The following OR4F15 variants were observed in gnomAD, a reference collection of about 807,000 sequenced individuals.
OR4F15 encodes the protein olfactory receptor 4F15.
A neutral mutation model predicts 11.9 loss-of-function variants in OR4F15; 7 were observed. The observed-to-expected ratio is 0.59, with a 90% confidence interval of 0.33 to 1.10. OR4F15 has a LOEUF of 1.10. Ranked by LOEUF, OR4F15 falls within the 50% of genes least tolerant of loss-of-function variation. The pLI is 0.03. For missense variants in OR4F15, 445 were observed against 377.5 expected (o/e 1.18, Z -1.48); for synonymous variants, 151 against 134.6 (o/e 1.12, Z -0.84).
Position 101,819,034 on chromosome 15 carries a change from A to G in OR4F15, c.848A>G (p.Asn283Ser). The G allele has an allele frequency of 6.2e-7, 1 of 1,613,834 alleles. No individual in the cohort carries two copies. The highest frequency in any genetic ancestry group is 8.5e-7 in the Non-Finnish European group (1 of 1,179,910). ...GATGCATTTATTACTCCTTTTCTGA[A>G]TCCAGTTATCTACACATTCAGGAAC... ...IFDAFITPFLNPVIYTFRNKD... is the reference protein window; with the variant it reads ...IFDAFITPFLSPVIYTFRNKD... Residue 283 changes from asparagine to serine, a missense_variant, in exon 2 of 2, where the codon AAT becomes AGT. Transcript: ENST00000332238.
intron 1 of OR4F15, among the ~76,000 whole-genome samples, chr15:101,813,853 G>A (rs1483028827): frequency 6.6e-6 from 1 of 152,146 alleles, no homozygotes; most frequent in Non-Finnish European, 1.5e-5. Context: ...AGTGTAAATA[G>A]ATGATAACTA....
At position 101,819,304 on chromosome 15, in the gene OR4F15, T is replaced by C. The variant is rs1388723166; in HGVS notation, c.*179T>C. The C allele has an allele frequency of 1.8e-6, 1 of 560,156 alleles. No homozygotes were observed. Among genetic ancestry groups the C allele is most frequent in the Admixed American group, 3.2e-5 (1 of 30,940 alleles). The allele number at this position is 560,156 out of a possible 1,614,324, so 34.7% of individuals were successfully genotyped here. On this transcript the variant is annotated 3_prime_UTR_variant, in exon 2 of 2. Coordinates refer to ENST00000332238, the MANE Select transcript of OR4F15 (RefSeq NM_001001674.2). ...AGTGATGTTATCCTTTGGCACAGTG[T>C]GCATCAAAGTGCTAAATATTAAATC...
In OR4F15 at chr15:101,818,053, A is replaced by G. The variant is rs1372636200; in HGVS notation, c.-37-97A>G. 7.4e-6 allele frequency: 5 copies of G among 671,632 alleles called. No homozygotes were observed. In the African/African-American group the frequency reaches 9.1e-5, roughly 12 times the overall value. 41.6% of individuals were successfully genotyped at this position (671,632 alleles called of 1,614,324 possible). On this transcript the variant is annotated intron_variant, in intron 1 of 1. Coordinates refer to ENST00000332238, the MANE Select transcript of OR4F15 (RefSeq NM_001001674.2). ...GATGAGGGTTATTTGGCTGTGTAAG[A>G]TGTTAATATGATAGTTATTTTCATG... is the stretch of plus-strand genomic sequence containing the variant.
chr15:101,814,938 G>A (rs1902964530), intron 1 of OR4F15, among the ~76,000 whole-genome samples: 1 of 152,024 alleles, frequency 6.6e-6, no homozygotes, highest in African/African-American at 2.4e-5. Context: ...ATTTCAGTTT[G>A]GAGGAAGCAC....
chr15:101,819,167 A>G lies in OR4F15; in HGVS notation c.*42A>G. Reference sequence around the variant, plus strand: ...GATGTGTAACTATGGATTACTCCTCATGCTGATTGCATAAAAGAAACTGCA... The same window carrying G: ...GATGTGTAACTATGGATTACTCCTCGTGCTGATTGCATAAAAGAAACTGCA... On this transcript the variant is annotated 3_prime_UTR_variant, in exon 2 of 2. Coordinates refer to ENST00000332238, the MANE Select transcript of OR4F15 (RefSeq NM_001001674.2). 2 of 1,318,258 alleles carry G rather than the reference A, an allele frequency of 1.5e-6. No homozygotes were observed. The highest frequency in any genetic ancestry group is 4.9e-5 in the East Asian group (2 of 40,604). 81.7% of individuals were successfully genotyped at this position (1,318,258 alleles called of 1,614,324 possible). A position where few individuals can be genotyped will look rare whatever the true frequency, so the allele number is the denominator to read the frequency against.
chr15:101,815,747 G>T (rs550787301), intron 1 of OR4F15, among the ~76,000 whole-genome samples: 2 of 152,212 alleles, frequency 1.3e-5, no homozygotes, highest in South Asian at 2.1e-4. Context: ...GGGCACTGAA[G>T]ATATTTTTTG....
At position 101,818,940 on chromosome 15, in the gene OR4F15, G is replaced by T. The variant is rs1903053082; in HGVS notation, c.754G>T (p.Gly252Trp). 6.2e-7 allele frequency: 1 copy of T among 1,613,888 alleles called. No homozygotes were observed. The highest frequency in any genetic ancestry group is 8.5e-7 in the Non-Finnish European group (1 of 1,179,990). The change falls in exon 2 of 2, where the codon GGG (glycine) becomes TGG (tryptophan). Residue 252 changes from glycine (G) to tryptophan (W), a missense_variant. Physicochemically the swap from Gly to Trp is radical, Grantham distance 184. Coordinates refer to ENST00000332238, the MANE Select transcript of OR4F15 (RefSeq NM_001001674.2). ...TGTCACTGTGGTCATCTTGTTCTTTGGGCCACTGATGTTTTTCTACACATG... is the reference window on the plus strand; with the variant it reads ...TGTCACTGTGGTCATCTTGTTCTTTTGGCCACTGATGTTTTTCTACACATG... ...AHVTVVILFF[G>W]PLMFFYTWPS...
Position 101,819,280 on chromosome 15 carries a change from G to A in OR4F15, c.*155G>A, listed in dbSNP as rs1044828621. On this transcript the variant is annotated 3_prime_UTR_variant, in exon 2 of 2. Coordinates refer to ENST00000332238, the MANE Select transcript of OR4F15 (RefSeq NM_001001674.2). ...TAACAATTTCACCATTAAATTAGAAGTGATGTTATCCTTTGGCACAGTGTG... is the reference window on the plus strand; with the variant it reads ...TAACAATTTCACCATTAAATTAGAAATGATGTTATCCTTTGGCACAGTGTG... The A allele has an allele frequency of 1.7e-6, 1 of 600,366 alleles. No individual in the cohort carries two copies. Among genetic ancestry groups the A allele is most frequent in the East Asian group, 2.8e-5 (1 of 36,192 alleles). 37.2% of individuals were successfully genotyped at this position (600,366 alleles called of 1,614,324 possible). A position where few individuals can be genotyped will look rare whatever the true frequency, so the allele number is the denominator to read the frequency against.
chr15:101,819,031 T>C lies in OR4F15; in HGVS notation c.845T>C (p.Leu282Pro). The C allele has an allele frequency of 6.2e-7, 1 of 1,613,986 alleles. No homozygotes were observed. The highest frequency in any genetic ancestry group is 8.5e-7 in the Non-Finnish European group (1 of 1,179,938). The change falls in exon 2 of 2, where the codon CTG becomes CCG. Residue 282 changes from leucine to proline, a missense_variant. Physicochemically the swap from Leu to Pro is moderately conservative, Grantham distance 98. Transcript: ENST00000332238. Reference protein sequence around the residue: ...AIFDAFITPFLNPVIYTFRNK... With the variant: ...AIFDAFITPFPNPVIYTFRNK... ...TTTGATGCATTTATTACTCCTTTTCTGAATCCAGTTATCTACACATTCAGG... is the reference window on the plus strand; with the variant it reads ...TTTGATGCATTTATTACTCCTTTTCCGAATCCAGTTATCTACACATTCAGG...
intron 1 of OR4F15, among the ~76,000 whole-genome samples, chr15:101,817,677 G>T (rs1903013783): frequency 6.6e-6 from 1 of 151,970 alleles, no homozygotes; most frequent in East Asian, 1.9e-4. Flanking sequence ...AAGAAATTTT[G>T]AAATTTAAAA....
At position 101,818,288 on chromosome 15, in the gene OR4F15, C is replaced by A. The variant is rs779168965; in HGVS notation, c.102C>A (p.Phe34Leu). ...TACTTTTTGTTTTCTCTTTGTTGTT[C>A]TACTTTGCGAGCATGATGGGAAACC... Reference protein sequence around the residue: ...QLLLFVFSLLFYFASMMGNLV... With the variant: ...QLLLFVFSLLLYFASMMGNLV... The change falls in exon 2 of 2, where the codon TTC (phenylalanine) becomes TTA (leucine). Residue 34 changes from phenylalanine (F) to leucine (L), a missense_variant. Coordinates refer to ENST00000332238, the MANE Select transcript of OR4F15 (RefSeq NM_001001674.2). 9.3e-6 allele frequency: 15 copies of A among 1,613,832 alleles called. No individual in the cohort carries two copies. The Admixed American group carries it at 2.3e-4, about 25-fold the overall frequency.
At chr15:101,817,161 C>G (rs188346870) in intron 1 of OR4F15, among the ~76,000 whole-genome samples, 1 of 152,092 alleles carries the variant, frequency 6.6e-6, no homozygotes, top group African/African-American at 2.4e-5. Context: ...CTTTTATTGA[C>G]TATTTAAAAT....
Position 101,818,555 on chromosome 15 carries a change from C to T in OR4F15, c.369C>T (p.Tyr123=). ...VLLIAMAFDR[Y]MAICKPLHYL... ...TCATAGCCATGGCCTTTGACAGATA[C>T]ATGGCCATATGTAAACCTCTCCACT... The change falls in exon 2 of 2, where the codon TAC becomes TAT. Residue 123 remains tyrosine, a synonymous_variant. Coordinates refer to ENST00000332238, the MANE Select transcript of OR4F15 (RefSeq NM_001001674.2). The T allele has an allele frequency of 6.2e-7, 1 of 1,614,122 alleles. No individual in the cohort carries two copies. The highest frequency in any genetic ancestry group is 8.5e-7 in the Non-Finnish European group (1 of 1,179,962).
Position 101,818,625 on chromosome 15 carries a change from A to T in OR4F15, c.439A>T (p.Thr147Ser). Residue 147 changes from threonine (T) to serine (S), a missense_variant, in exon 2 of 2, where the codon ACT (threonine) becomes TCT (serine). Coordinates refer to ENST00000332238, the MANE Select transcript of OR4F15 (RefSeq NM_001001674.2). ...AAGAATGTGTCTATACTTTTTAGCC[A>T]CTTCCTCTATCATTGGCCTTATCCA... ...SPRMCLYFLA[T>S]SSIIGLIHSL... 7.4e-6 allele frequency: 12 copies of T among 1,614,070 alleles called. No individual in the cohort carries two copies. Among genetic ancestry groups the T allele is most frequent in the Non-Finnish European group, 1.0e-5 (12 of 1,179,986 alleles).
Position 101,819,445 on chromosome 15 carries a change from T to C in OR4F15, c.*320T>C, listed in dbSNP as rs1022131709. ...TTTTCTACTGGACAGATTATTCTAT[T>C]GATAGACAAACTACACATTCAATCT... On this transcript the variant is annotated 3_prime_UTR_variant, in exon 2 of 2. Coordinates refer to ENST00000332238, the MANE Select transcript of OR4F15 (RefSeq NM_001001674.2). The C allele has an allele frequency of 4.7e-6, 1 of 214,332 alleles. No individual in the cohort carries two copies. The highest frequency in any genetic ancestry group is 9.3e-6 in the Non-Finnish European group (1 of 107,460). 13.3% of individuals were successfully genotyped at this position (214,332 alleles called of 1,614,324 possible).
rs747926638 is a variant in OR4F15, at chr15:101,818,577, C to T, written c.391C>T (p.His131Tyr). Residue 131 changes from histidine to tyrosine, a missense_variant, in exon 2 of 2, where the codon CAC becomes TAC. Coordinates refer to ENST00000332238, the MANE Select transcript of OR4F15 (RefSeq NM_001001674.2). ...DRYMAICKPLHYLTIMSPRMC... is the reference protein window; with the variant it reads ...DRYMAICKPLYYLTIMSPRMC... ...ATACATGGCCATATGTAAACCTCTC[C>T]ACTACCTGACCATCATGAGCCCAAG... 1 of 1,614,178 alleles carries T rather than the reference C, an allele frequency of 6.2e-7. No homozygotes were observed.
At chr15:101,812,589 T>C (rs751108943) in intron 1 of OR4F15, among the ~76,000 whole-genome samples, 1 of 152,158 alleles carries the variant, frequency 6.6e-6, no homozygotes, top group Non-Finnish European at 1.5e-5. Flanking sequence ...CCTAACAAGC[T>C]TGTTGTTTAC....
At chr15:101,813,092 T>C (rs137892822) in intron 1 of OR4F15, among the ~76,000 whole-genome samples, 32 of 152,324 alleles carry the variant, frequency 2.1e-4, no homozygotes, top group African/African-American at 7.7e-4. Flanking sequence ...TAAGCACTTA[T>C]CTGACAGAGT....
intron 1 of OR4F15, among the ~76,000 whole-genome samples, chr15:101,813,382 G>T (rs1045300477): frequency 6.6e-6 from 1 of 151,934 alleles, no homozygotes; most frequent in Non-Finnish European, 1.5e-5. Context: ...GGTGGTGCAT[G>T]AATGTAAATC....
Sources: gnomAD v4.1 joint callset for allele counts (sites outside exome capture counted in the v4.1 genomes callset) on GRCh38, gnomAD v4.1.1 for gene constraint, MANE v1.5 for transcripts, NCBI Gene and HGNC (gene_info 2026-07-23, HGNC 2026-07-21) for gene names.